CAPN2: variants seen among roughly 807,000 people sequenced by gnomAD.
The protein encoded by CAPN2 is calpain-2 catalytic subunit.
CAPN2 carries 92 observed loss-of-function variants against 102.3 expected under a neutral mutation model. The observed-to-expected ratio is 0.90, with a 90% CI of 0.76 to 1.07. CAPN2 has a LOEUF of 1.07. CAPN2 is among the 50% of genes least tolerant of loss of function. CAPN2 has a pLI of 0.00. For missense variants in CAPN2, 800 were observed against 909.4 expected, an observed-to-expected ratio of 0.88 and a Z score of 1.55; for synonymous variants, 340 against 355.4, an observed-to-expected ratio of 0.96 and a Z score of 0.49.
Position 223,766,389 on chromosome 1 carries a change from C to T in CAPN2, c.1713C>T (p.Gly571=). ...TAGGCCAAGATATCAAGTCAGATGGCTTCAGCATCGAGACATGCAAAATTA... is the reference window on the plus strand; with the variant it reads ...TAGGCCAAGATATCAAGTCAGATGGTTTCAGCATCGAGACATGCAAAATTA... The part of the protein sequence containing the change: ...LAKRQDIKSD[G]FSIETCKIMV... The change falls in exon 16 of 21, where the codon GGC becomes GGT. Residue 571 remains glycine (G), a synonymous_variant. Coordinates refer to ENST00000295006, the MANE Select transcript of CAPN2 (RefSeq NM_001748.5). 1 of 1,613,882 alleles carries T rather than the reference C, an allele frequency of 6.2e-7. No individual in the cohort carries two copies. Among genetic ancestry groups the T allele is most frequent in the Non-Finnish European group, 8.5e-7 (1 of 1,179,748 alleles).
rs1383507672 is a variant in CAPN2, at chr1:223,754,227, C to T, written c.1136-1253C>T. On this transcript the variant is annotated intron_variant, in intron 9 of 20. Coordinates refer to ENST00000295006, the MANE Select transcript of CAPN2 (RefSeq NM_001748.5). The surrounding 1 kb of genome is among the most constrained non-coding windows in gnomAD (Gnocchi z 4.7). ...TAAGTCGCATACCAGGGCCACAGAG[C>T]AAGTAGTCAGACTGCGGCTAGCTGG... 6.6e-6 allele frequency among the ~76,000 whole-genome samples: 1 copy of T among 152,210 alleles called. No individual in the cohort carries two copies. The highest frequency in any genetic ancestry group is 1.5e-5 in the Non-Finnish European group (1 of 68,038).
intron 3 of CAPN2, among the ~76,000 whole-genome samples, chr1:223,745,041 CA>C (rs35193281): frequency 5.6e-3 from 618 of 109,384 alleles, no homozygotes; most frequent in African/African-American, 0.012. Flanking sequence ...GACTTGGTCT[CA>C]AAAAAAAAAA....
chr1:223,764,065 C>T, intron 14 of CAPN2, 85 bp from the exon 15 acceptor site: 1 of 1,051,514 alleles, frequency 9.5e-7, no homozygotes. Context: ...CCACCGCAGG[C>T]CTACCTAATG....
rs1392499609 is a variant in CAPN2, at chr1:223,774,853, T to C, written c.2099T>C (p.Leu700Pro). The C allele has an allele frequency of 6.2e-7, 1 of 1,613,338 alleles. No homozygotes were observed. Among genetic ancestry groups the C allele is most frequent in the Non-Finnish European group, 8.5e-7 (1 of 1,179,592 alleles). The change falls in exon 21 of 21, where the codon CTT (leucine) becomes CCT (proline). Residue 700 changes from leucine (L) to proline (P), a missense_variant. Coordinates refer to ENST00000295006, the MANE Select transcript of CAPN2 (RefSeq NM_001748.5). ...DLISWLCFSVL is the reference protein window; with the variant it reads ...DLISWLCFSVP ...TCACAGTGGCTCTGTTTCTCAGTAC[T>C]TTGAAGTTATAACTAATCTGCCTGA...
intron 11 of CAPN2, 98 bp downstream of exon 11, chr1:223,757,478 C>G: frequency 1.5e-6 from 2 of 1,378,658 alleles, no homozygotes; most frequent in East Asian, 4.6e-5. Context: ...CGGGCAGGGG[C>G]TGGTGGTCAT....
At position 223,766,352 on chromosome 1, in the gene CAPN2, G is replaced by A; in HGVS notation, c.1691-15G>A. The A allele has an allele frequency of 1.2e-6, 2 of 1,608,652 alleles. No individual in the cohort carries two copies. Among genetic ancestry groups the A allele is most frequent in the South Asian group, 1.1e-5 (1 of 90,958 alleles). Reference sequence around the variant, plus strand: ...GCTCAGAGATTTTTCCTGTCACACTGATTTTGTCTTTTAGGCCAAGATATC... The same window carrying A: ...GCTCAGAGATTTTTCCTGTCACACTAATTTTGTCTTTTAGGCCAAGATATC... On this transcript the variant is annotated splice_polypyrimidine_tract_variant and intron_variant, in intron 15 of 20. Transcript: ENST00000295006.
Position 223,745,392 on chromosome 1 carries a change from C to CT in CAPN2, c.513_514insT (p.Glu172Ter). ...GGGAGCTGCTCTTTGTGCATTCAGCCGAAGGGAGCGAGTTCTGGAGCGCCC... is the reference window on the plus strand; with the variant it reads ...GGGAGCTGCTCTTTGTGCATTCAGCCTGAAGGGAGCGAGTTCTGGAGCGCCC... On this transcript the variant is annotated frameshift_variant, in exon 4 of 21. Coordinates refer to ENST00000295006, the MANE Select transcript of CAPN2 (RefSeq NM_001748.5). LOFTEE classifies it high-confidence loss of function. 6.2e-7 allele frequency: 1 copy of CT among 1,614,158 alleles called. No homozygotes were observed. Among genetic ancestry groups the CT allele is most frequent in the Non-Finnish European group, 8.5e-7 (1 of 1,180,028 alleles).
rs972610195 is a variant in CAPN2 at position 223,706,807 on chromosome 1, C to T, written c.3+4976C>T. Among the ~76,000 whole-genome samples, 5 of 152,154 alleles carry T rather than the reference C, an allele frequency of 3.3e-5. No homozygotes were observed. The East Asian group carries it at 5.8e-4, about 18-fold the overall frequency. On this transcript the variant is annotated intron_variant, in intron 1 of 20. Transcript: ENST00000433674. ...AGTATCTCCAGAACCTGGCTAGGCA[C>T]GGTGGCTCACATCTGTAATCTCAGC...
intron 16 of CAPN2, among the ~76,000 whole-genome samples, chr1:223,768,151 T>C (rs987157604): frequency 1.6e-4 from 24 of 151,288 alleles, no homozygotes; most frequent in Non-Finnish European, 3.2e-4. Flanking sequence ...GCCTGTTCAC[T>C]CTGATGGTAG....
intron 15 of CAPN2, among the ~76,000 whole-genome samples, chr1:223,765,258 A>G (rs1661282155): frequency 6.6e-6 from 1 of 152,212 alleles, no homozygotes; most frequent in African/African-American, 2.4e-5. Context: ...AGAGCCAAAG[A>G]AGAGTCCAGG....
chr1:223,705,401 G>A (rs1659580920), intron 1 of CAPN2, among the ~76,000 whole-genome samples: 1 of 152,210 alleles, frequency 6.6e-6, no homozygotes. Flanking sequence ...AGACTGAGTG[G>A]CAGAGTGCTA....
rs140580790 is a variant in CAPN2, at chr1:223,734,123, G to A, written c.308-9977G>A. 4.5e-3 allele frequency among the ~76,000 whole-genome samples: 685 copies of A among 152,228 alleles called. 12 individuals carry two copies. Among genetic ancestry groups the A allele is most frequent in the African/African-American group, 0.016 (650 of 41,528 alleles). On this transcript the variant is annotated intron_variant, in intron 2 of 20. Coordinates refer to ENST00000295006, the MANE Select transcript of CAPN2 (RefSeq NM_001748.5). ...CCCAGGAGCTGCTGTTCTCAGCCCCGGGATCCAGCGCTACAGGGAAGTGCA... is the reference window on the plus strand; with the variant it reads ...CCCAGGAGCTGCTGTTCTCAGCCCCAGGATCCAGCGCTACAGGGAAGTGCA...
At chr1:223,710,641 T>C (rs1391204472), upstream of CAPN2, among the ~76,000 whole-genome samples, 3 of 152,254 alleles carry the variant, frequency 2.0e-5, no homozygotes, top group Admixed American at 2.0e-4. Context: ...CTGTTCACTC[T>C]GAAGCCTGCT....
chr1:223,712,483 C>G (rs545043821), upstream of CAPN2: 7 of 1,178,390 alleles, frequency 5.9e-6, no homozygotes, highest in Non-Finnish European at 7.3e-6. Context: ...AGGCCACACC[C>G]CGCGGGCCGG....
intron 17 of CAPN2, chr1:223,770,183 A>C: frequency 1.7e-6 from 1 of 579,052 alleles, no homozygotes. Flanking sequence ...GGTTTTTGAC[A>C]GCTAAAGTAC....
At chr1:223,766,637 C>A (rs949519124) in intron 16 of CAPN2, among the ~76,000 whole-genome samples, 2 of 152,188 alleles carry the variant, frequency 1.3e-5, no homozygotes, top group African/African-American at 4.8e-5. Context: ...TGCTACACCC[C>A]CCCTCCCACC....
chr1:223,746,644 AT>A (rs1448473905), intron 4 of CAPN2, among the ~76,000 whole-genome samples: 1 of 151,650 alleles, frequency 6.6e-6, no homozygotes, highest in Admixed American at 6.6e-5. Context: ...TGCCCAGCTA[AT>A]TTTTTTGTAT....
chr1:223,748,293 C>T (rs1660800030), intron 5 of CAPN2, among the ~76,000 whole-genome samples: 1 of 152,226 alleles, frequency 6.6e-6, no homozygotes, highest in South Asian at 2.1e-4. Flanking sequence ...GTTCTGGTCT[C>T]TGCGGGGGAC....
In CAPN2 at chr1:223,757,372, C is replaced by G; in HGVS notation, c.1309C>G (p.Pro437Ala). The G allele has an allele frequency of 6.2e-7, 1 of 1,614,156 alleles. No homozygotes were observed. The highest frequency in any genetic ancestry group is 1.7e-4 in the Middle Eastern group (1 of 6,060). ...HTIGFGIYEV[P>A]EELSGQTNIH... is the part of the protein sequence containing the mutation. ...TTGCATCTCCTTTATTTTGCAGGTT[C>G]CAGAGGAGGTACGTCTGGCCCATGT... is the stretch of plus-strand genomic sequence containing the variant. The change falls in exon 11 of 21, where the codon CCA becomes GCA. Residue 437 changes from proline to alanine, a missense_variant. Transcript: ENST00000295006.
Sources: gnomAD v4.1 joint callset for allele counts (sites outside exome capture counted in the v4.1 genomes callset) on GRCh38, gnomAD v4.1.1 for gene constraint, Gnocchi (gnomAD v3.1) non-coding constraint, MANE v1.5 for transcripts, NCBI Gene and HGNC (gene_info 2026-07-23, HGNC 2026-07-21) for gene names.